ELN: variants seen among roughly 807,000 people sequenced by gnomAD.
ELN encodes tropoelastin.
ELN carries 65 observed loss-of-function variants against 105.8 expected under a neutral mutation model. The ratio of observed to expected loss-of-function variants is 0.61; its 90% CI spans 0.50 to 0.75. The LOEUF is 0.75. Ranked by LOEUF, ELN falls within the 30% of genes least tolerant of loss-of-function variation. ELN has a pLI of 0.00. For missense variants in ELN, 882 were observed against 969.4 expected, an observed-to-expected ratio of 0.91 and a Z score of 1.20; for synonymous variants, 368 against 389.2, an observed-to-expected ratio of 0.95 and a Z score of 0.64.
intron 32 of ELN, among the ~76,000 whole-genome samples, chr7:74,068,146 G>C (rs1321124491): frequency 6.6e-6 from 1 of 152,136 alleles, no homozygotes; most frequent in African/African-American, 2.4e-5. Context: ...ATTCCCAGGA[G>C]GGGGTAGGAA....
chr7:74,031,806 AGAGAGAGAGAAAG>A (rs1788717615), intron 1 of ELN, among the ~76,000 whole-genome samples: 1 of 151,232 alleles, frequency 6.6e-6, no homozygotes, highest in South Asian at 2.1e-4. Flanking sequence ...AAAGAGAGAG[AGAGAGAGAGAAAG>A]GAGAGAGAGA....
chr7:74,057,410 G>T, intron 21 of ELN: 1 of 1,513,388 alleles, frequency 6.6e-7, no homozygotes, highest in Non-Finnish European at 8.8e-7. Context: ...TGCTGGGTGG[G>T]CTAGTGCCAG....
intron 25 of ELN, 62 bp from the exon 26 acceptor site, chr7:74,061,039 G>C: frequency 6.2e-7 from 1 of 1,603,978 alleles, no homozygotes. Flanking sequence ...TAGAGGAGGC[G>C]GCAGAACTCC....
Position 74,056,347 on chromosome 7 carries a change from C to A in ELN, c.1227C>A (p.Val409=), listed in dbSNP as rs782477777. ...VGAGGFPGFG[V]GVGGIPGVAG... ...CTGGGGGCTTTCCCGGCTTTGGTGTCGGAGTCGGAGGTATCCCTGGAGTCG... is the reference window on the plus strand; with the variant it reads ...CTGGGGGCTTTCCCGGCTTTGGTGTAGGAGTCGGAGGTATCCCTGGAGTCG... Residue 409 remains valine, a synonymous_variant, in exon 20 of 33, where the codon GTC becomes GTA. Transcript: ENST00000252034. The A allele has an allele frequency of 1.4e-5, 22 of 1,613,398 alleles. No individual in the cohort carries two copies. Among genetic ancestry groups the A allele is most frequent in the East Asian group, 2.2e-5 (1 of 44,882 alleles).
In ELN at chr7:74,067,371, G is replaced by A. The variant is rs547557711; in HGVS notation, c.2131+595G>A. On this transcript the variant is annotated intron_variant, in intron 32 of 32. Coordinates refer to ENST00000252034, the MANE Select transcript of ELN (RefSeq NM_000501.4). ...CAACCTCTGCCTCCTAGGTTCAAGC[G>A]ATTCTTCTGCCTCAGCCTCCCAAGT... Among the ~76,000 whole-genome samples the A allele has an allele frequency of 3.2e-3, 486 of 151,896 alleles. 1 individual carries two copies. The highest frequency in any genetic ancestry group is 5.8e-3 in the Non-Finnish European group (396 of 67,948).
intron 18 of ELN, 110 bp from the exon 19 acceptor site, chr7:74,054,606 T>C: frequency 8.9e-7 from 1 of 1,129,400 alleles, no homozygotes. Context: ...AACTCTATGT[T>C]GGCATGAAAG....
intron 1 of ELN, among the ~76,000 whole-genome samples, chr7:74,030,888 C>A (rs1333294650): frequency 3.9e-5 from 6 of 152,176 alleles, no homozygotes; most frequent in Non-Finnish European, 7.4e-5. Flanking sequence ...AGAGGTCGAT[C>A]CCGCTCTGTG....
intron 4 of ELN, among the ~76,000 whole-genome samples, chr7:74,039,102 T>C (rs1554667098): frequency 6.6e-6 from 1 of 152,166 alleles, no homozygotes; most frequent in Admixed American, 6.5e-5. Context: ...CCTGCAAAGC[T>C]GGAGGGTACA....
rs538877152 is a variant in ELN, at chr7:74,061,681, G to C, written c.1786+542G>C. On this transcript the variant is annotated intron_variant, in intron 26 of 32. Transcript: ENST00000252034. ...AAAGAAAAGAAAAGAAAAAGAAAAA[G>C]GCAGTTTCTAGGACACGTTTATGAC... 2.6e-5 allele frequency among the ~76,000 whole-genome samples: 4 copies of C among 152,154 alleles called. 1 individual carries two copies. Among genetic ancestry groups the C allele is most frequent in the African/African-American group, 9.6e-5 (4 of 41,532 alleles).
intron 32 of ELN, among the ~76,000 whole-genome samples, chr7:74,067,512 C>T (rs1554689902): frequency 2.0e-5 from 3 of 151,624 alleles, no homozygotes; most frequent in African/African-American, 7.3e-5. Context: ...GTGATCCGCC[C>T]GCCTCGGCCT....
intron 15 of ELN, among the ~76,000 whole-genome samples, chr7:74,049,835 T>C (rs1469998659): frequency 6.6e-6 from 1 of 151,166 alleles, no homozygotes; most frequent in African/African-American, 2.4e-5. Flanking sequence ...CATCTATCCA[T>C]CCATCCATTC....
At chr7:74,052,013 G>C in intron 17 of ELN, 30 bp downstream of exon 17, 1 of 1,611,842 alleles carries the variant, frequency 6.2e-7, no homozygotes, top group South Asian at 1.1e-5. Flanking sequence ...GCAAGTCCAC[G>C]GCTCGGGCCC....
intron 17 of ELN, 175 bp from the exon 18 acceptor site, chr7:74,052,988 G>A (rs1043106156): frequency 2.7e-5 from 22 of 829,920 alleles, no homozygotes; most frequent in Admixed American, 1.2e-4. Flanking sequence ...AGCTCTTTAG[G>A]GACCCTCTTA....
intron 20 of ELN, 73 bp downstream of exon 20, chr7:74,056,508 G>T (rs1795259349): frequency 1.9e-6 from 3 of 1,609,182 alleles, no homozygotes; most frequent in East Asian, 2.2e-5. Flanking sequence ...GCTCTGCAGG[G>T]GCAGTGGGGA....
intron 4 of ELN, chr7:74,038,184 T>A (rs1790419605): frequency 3.6e-6 from 1 of 274,870 alleles, no homozygotes; most frequent in Non-Finnish European, 7.2e-6. Flanking sequence ...CCCAGACCAA[T>A]ACCCCAGATC....
chr7:74,063,780 C>T lies in ELN; in HGVS notation c.1993+85C>T, dbSNP rs1797264992. 3.8e-6 allele frequency: 6 copies of T among 1,576,622 alleles called. No homozygotes were observed. The highest frequency in any genetic ancestry group is 5.2e-6 in the Non-Finnish European group (6 of 1,149,310). On this transcript the variant is annotated intron_variant, in intron 29 of 32. Transcript: ENST00000252034. This position sits in a 1 kb window ranked among gnomAD's most constrained non-coding sequence, Gnocchi z 4.1. ...AGACAGAGACAGAGACAGAGACTTT[C>T]GTTCCCACCCCTGGCACGTCTTTGC...
intron 19 of ELN, among the ~76,000 whole-genome samples, chr7:74,055,183 T>TA (rs1794967948): frequency 6.6e-6 from 1 of 152,220 alleles, no homozygotes; most frequent in Admixed American, 6.5e-5. Context: ...CTTACACCTG[T>TA]AATCCCAGCA....
chr7:74,032,306 G>C (rs1788880754), intron 1 of ELN, among the ~76,000 whole-genome samples: 1 of 152,242 alleles, frequency 6.6e-6, no homozygotes, highest in South Asian at 2.1e-4. Context: ...GTGGGCTCGG[G>C]AAAGGCAGGC....
chr7:74,045,275 G>C lies in ELN; in HGVS notation c.523G>C (p.Val175Leu). ...CCCTGGAGTTCCCACTGGAGCAGGA[G>C]TTAAGCCCAAGGCTCCAGGTATGCA... ...VLPGVPTGAG[V>L]KPKAPGVGGA... Residue 175 changes from valine to leucine, a missense_variant, in exon 10 of 33, where the codon GTT (valine) becomes CTT (leucine). Transcript: ENST00000252034. The C allele has an allele frequency of 1.2e-6, 2 of 1,614,168 alleles. No individual in the cohort carries two copies. Among genetic ancestry groups the C allele is most frequent in the Non-Finnish European group, 1.7e-6 (2 of 1,180,050 alleles).
Sources: allele counts gnomAD v4.1 joint callset (sites outside exome capture counted in the v4.1 genomes callset), GRCh38; gene constraint gnomAD v4.1.1; non-coding constraint Gnocchi (gnomAD v3.1); transcripts MANE v1.5; gene names NCBI Gene and HGNC (gene_info 2026-07-23, HGNC 2026-07-21).